Variants in BTD observed in about 807,000 individuals in gnomAD.
BTD encodes the protein biocytinase.
A neutral mutation model predicts 17.7 loss-of-function variants in BTD; 13 were observed. The ratio of observed to expected loss-of-function variants is 0.74; its 90% CI spans 0.48 to 1.17. The LOEUF is 1.17. Ranked by LOEUF, BTD falls within the 50% of genes most tolerant of loss-of-function variation. The pLI is 0.00. For missense variants in BTD, 674 were observed against 650.4 expected, an observed-to-expected ratio of 1.04 and a Z score of -0.39; for synonymous variants, 240 against 245.2, an observed-to-expected ratio of 0.98 and a Z score of 0.20.
intron 1 of BTD, among the ~76,000 whole-genome samples, chr3:15,623,621 G>A (rs1216156091): frequency 6.6e-6 from 1 of 152,196 alleles, no homozygotes; most frequent in African/African-American, 2.4e-5. Context: ...GTTTGGCTCT[G>A]TGTTCCCACC....
chr3:15,642,599 C>T, intron 3 of BTD, among the ~76,000 whole-genome samples: 1 of 151,862 alleles, frequency 6.6e-6, no homozygotes, highest in East Asian at 1.9e-4. Context: ...GGACTACAGG[C>T]ACCCACCACC....
rs2065314457 is a variant in BTD at position 15,635,272 on chromosome 3, T to C, written c.-16-152T>C. 8.4e-7 allele frequency: 1 copy of C among 1,194,446 alleles called. No homozygotes were observed. The highest frequency in any genetic ancestry group is 2.3e-5 in the East Asian group (1 of 42,758). 74.0% of individuals were successfully genotyped at this position (1,194,446 alleles called of 1,614,324 possible). On this transcript the variant is annotated intron_variant, in intron 1 of 3. Transcript: ENST00000643237. This position sits in a 1 kb window ranked among gnomAD's most constrained non-coding sequence, Gnocchi z 4.1. Reference sequence around the variant, plus strand: ...TACGTGTTTGGAGAGAAACACATACTCTTTTATTAGGAACATGAAACAAAC... The same window carrying C: ...TACGTGTTTGGAGAGAAACACATACCCTTTTATTAGGAACATGAAACAAAC...
At position 15,644,701 on chromosome 3, in the gene BTD, T is replaced by C. The variant is rs1299734384; in HGVS notation, c.785T>C (p.Ile262Thr). 6.2e-7 allele frequency: 1 copy of C among 1,614,166 alleles called. No homozygotes were observed. The highest frequency in any genetic ancestry group is 8.5e-7 in the Non-Finnish European group (1 of 1,180,030). Residue 262 changes from isoleucine to threonine, a missense_variant, in exon 4 of 4, where the codon ATT becomes ACT. Physicochemically the swap from Ile to Thr is moderately conservative, Grantham distance 89 (BLOSUM62 -1). Coordinates refer to ENST00000643237, the MANE Select transcript of BTD (RefSeq NM_001370658.1). ...WMNQLPLLAA[I>T]EIQKAFAVAF... ...AACCAGCTCCCACTCTTGGCAGCAA[T>C]TGAGATTCAGAAAGCTTTTGCTGTT...
chr3:15,623,409 G>T (rs1410590205), intron 1 of BTD, among the ~76,000 whole-genome samples: 2 of 152,072 alleles, frequency 1.3e-5, no homozygotes, highest in Non-Finnish European at 2.9e-5. Flanking sequence ...AGTGATTATT[G>T]ATATAGTTGG....
rs1167816027 is a variant in BTD, at chr3:15,645,943, A to G, written c.*455A>G. The G allele has an allele frequency of 6.4e-6, 1 of 156,102 alleles. No homozygotes were observed. The highest frequency in any genetic ancestry group is 2.4e-5 in the African/African-American group (1 of 41,440). 9.7% of individuals were successfully genotyped at this position (156,102 alleles called of 1,614,324 possible). ...GTAAGAAACAAGCTCTCAAAGCAAA[A>G]GCTCAATTAGAAATGGCCCTTGTGG... is the stretch of plus-strand genomic sequence containing the variant. On this transcript the variant is annotated 3_prime_UTR_variant, in exon 4 of 4. Coordinates refer to ENST00000643237, the MANE Select transcript of BTD (RefSeq NM_001370658.1).
intron 3 of BTD, among the ~76,000 whole-genome samples, chr3:15,696,884 C>T (rs1486248855): frequency 6.6e-6 from 1 of 152,060 alleles, no homozygotes; most frequent in Admixed American, 6.5e-5. Context: ...TATGGAGATT[C>T]CTTAAGGAAC....
chr3:15,609,491 A>G (rs1213772037), intron 1 of BTD, among the ~76,000 whole-genome samples: 1 of 152,182 alleles, frequency 6.6e-6, no homozygotes, highest in Non-Finnish European at 1.5e-5. Flanking sequence ...CATATATATC[A>G]AGGTGGAGGT....
In BTD at chr3:15,647,189, C is replaced by G. The variant is rs1423943395; in HGVS notation, c.*1701C>G. 6.6e-6 allele frequency: 1 copy of G among 152,250 alleles called. No individual in the cohort carries two copies. Among genetic ancestry groups the G allele is most frequent in the Non-Finnish European group, 1.5e-5 (1 of 68,060 alleles). The allele number at this position is 152,250 out of a possible 1,614,324, so 9.4% of individuals were successfully genotyped here. A position where few individuals can be genotyped will look rare whatever the true frequency, so the allele number is the denominator to read the frequency against. On this transcript the variant is annotated 3_prime_UTR_variant, in exon 4 of 4. Transcript: ENST00000643237. ...CACCAGATGACGGAGTTCGCTTTCT[C>G]GCCCAGCGCAGCTCCCACCAGGCGT... is the stretch of plus-strand genomic sequence containing the variant.
At chr3:15,657,136 A>G (rs2065879981), downstream of BTD, among the ~76,000 whole-genome samples, 1 of 152,240 alleles carries the variant, frequency 6.6e-6, no homozygotes, top group African/African-American at 2.4e-5. Context: ...ACAGGGTATT[A>G]TAAGAGACAG....
At chr3:15,686,021 C>T (rs776376170) in intron 3 of BTD, 2 of 1,613,412 alleles carry the variant, frequency 1.2e-6, no homozygotes, top group African/African-American at 1.3e-5. Context: ...CAACGCTGTC[C>T]TTCCCCACTT....
At position 15,652,706 on chromosome 3, in the gene BTD, C is replaced by T. The variant is rs952664869; in HGVS notation, c.*7218C>T. On this transcript the variant is annotated 3_prime_UTR_variant, in exon 4 of 4. Transcript: ENST00000643237. ...AAAACTAATACAATAGTCTTGCTAC[C>T]AGCACCTTAATCTCCCACATCCAAG... Among the ~76,000 whole-genome samples, 13 of 152,282 alleles carry T rather than the reference C, an allele frequency of 8.5e-5. No individual in the cohort carries two copies. The highest frequency in any genetic ancestry group is 3.1e-4 in the African/African-American group (13 of 41,546).
chr3:15,640,397 C>G (rs1414893050), intron 2 of BTD, among the ~76,000 whole-genome samples: 1 of 146,704 alleles, frequency 6.8e-6, no homozygotes, highest in Admixed American at 6.7e-5. Flanking sequence ...TTTTTTTTTT[C>G]CTTTTTTTTT....
intron 1 of BTD, among the ~76,000 whole-genome samples, chr3:15,617,493 T>A (rs761156754): frequency 2.0e-5 from 3 of 152,178 alleles, no homozygotes; most frequent in Non-Finnish European, 4.4e-5. Context: ...TACATGTGGG[T>A]GTCCATTTGT....
At chr3:15,634,663 C>T (rs559123184) in intron 1 of BTD, among the ~76,000 whole-genome samples, 82 of 152,244 alleles carry the variant, frequency 5.4e-4, no homozygotes, top group African/African-American at 1.7e-3. Flanking sequence ...GATTTTATTT[C>T]CAAATGAGTA....
intron 3 of BTD, among the ~76,000 whole-genome samples, chr3:15,643,964 T>TA (rs1559598556): frequency 3.6e-4 from 38 of 106,350 alleles, no homozygotes; most frequent in Middle Eastern, 4.3e-3. Context: ...AAAACTCATT[T>TA]ATTTAATTTA....
In BTD at chr3:15,671,578, G is replaced by GTTTT. The variant is rs869032190; in HGVS notation, c.399+29528_399+29531dup. Among the ~76,000 whole-genome samples the GTTTT allele has an allele frequency of 5.3e-3, 743 of 141,212 alleles. 34 individuals are homozygous for GTTTT. Among genetic ancestry groups the GTTTT allele is most frequent in the African/African-American group, 0.019 (710 of 36,712 alleles). The allele number at this position is 141,212 out of a possible 152,430, so 92.6% of individuals were successfully genotyped here. A position where few individuals can be genotyped will look rare whatever the true frequency, so the allele number is the denominator to read the frequency against. On this transcript the variant is annotated intron_variant, in intron 3 of 3. Transcript: ENST00000672141. ...TCAACTTGGAGTCATAAACACTATA[G>GTTTT]TTTTTTTTTTGTTTTTTTTTTTTTG...
chr3:15,624,610 C>T (rs2065024972), intron 1 of BTD, among the ~76,000 whole-genome samples: 1 of 147,832 alleles, frequency 6.8e-6, no homozygotes, highest in Non-Finnish European at 1.5e-5. Flanking sequence ...CCCATCTGTT[C>T]TTGCATGTTG....
chr3:15,634,890 T>C (rs953991501), intron 1 of BTD, among the ~76,000 whole-genome samples: 1 of 152,230 alleles, frequency 6.6e-6, no homozygotes, highest in Non-Finnish European at 1.5e-5. Flanking sequence ...GAGTTATCCA[T>C]AGTATTTATT....
chr3:15,685,209 G>T (rs2067973452), intron 3 of BTD: 3 of 1,609,040 alleles, frequency 1.9e-6, no homozygotes, highest in Non-Finnish European at 2.6e-6. Context: ...ATATGCATTT[G>T]TGTTTGTATA....
Sources: allele counts gnomAD v4.1 joint callset (sites outside exome capture counted in the v4.1 genomes callset), GRCh38; gene constraint gnomAD v4.1.1; non-coding constraint Gnocchi (gnomAD v3.1); transcripts MANE v1.5; gene names NCBI Gene and HGNC (gene_info 2026-07-23, HGNC 2026-07-21).